ZNF414: variants seen among roughly 807,000 people sequenced by gnomAD.
ZNF414 encodes the protein zinc finger protein 414.
ZNF414 carries 32 observed loss-of-function variants against 38.3 expected under a neutral mutation model. That is an observed-to-expected ratio of 0.83 (90% CI 0.63 to 1.12). The LOEUF is 1.12. Ranked by LOEUF, ZNF414 falls within the 50% of genes most tolerant of loss-of-function variation. The pLI is 0.00. For synonymous variants in ZNF414, 256 were observed against 248.0 expected (o/e 1.03, Z -0.30); for missense variants, 589 against 557.4 (o/e 1.06, Z -0.57).
At position 8,514,120 on chromosome 19, in the gene ZNF414, G is replaced by C; in HGVS notation, c.-74C>G. The C allele has an allele frequency of 7.1e-7, 1 of 1,401,616 alleles. No individual in the cohort carries two copies. Among genetic ancestry groups the C allele is most frequent in the African/African-American group, 1.5e-5 (1 of 66,538 alleles). The allele number at this position is 1,401,616 out of a possible 1,614,324, so 86.8% of individuals were successfully genotyped here. On this transcript the variant is annotated 5_prime_UTR_variant, in exon 1 of 8. Transcript: ENST00000393927. ...TTAGGCGGCGGCCACCCTCTGGGCA[G>C]TGCGAGTTCGCGCTCACGTCAGCGC...
intron 6 of ZNF414, 23 bp from the exon 7 acceptor site, chr19:8,511,047 C>T: frequency 1.6e-6 from 2 of 1,279,910 alleles, no homozygotes; most frequent in Non-Finnish European, 2.0e-6. Context: ...GGGACCCCGT[C>T]AGTCCCGGGC....
chr19:8,512,612 G>C lies in ZNF414; in HGVS notation c.416C>G (p.Ser139Cys). The change falls in exon 3 of 8, where the codon TCC becomes TGC. Residue 139 changes from serine to cysteine, a missense_variant. By Grantham distance (112) the Ser-to-Cys change is moderately radical (BLOSUM62 -1). Transcript: ENST00000393927. ...ACCAGTCCTGGCCCTACCTTCCAGG[G>C]ACTGTGTGGGCGGGCAGTGGGTTCG... Reference protein sequence around the residue: ...HLRTHCPPTQSLEGKLFRCSA... With the variant: ...HLRTHCPPTQCLEGKLFRCSA... 2 of 1,592,024 alleles carry C rather than the reference G, an allele frequency of 1.3e-6. No individual in the cohort carries two copies. The highest frequency in any genetic ancestry group is 1.7e-6 in the Non-Finnish European group (2 of 1,168,320).
intron 6 of ZNF414, 24 bp downstream of exon 6, chr19:8,511,462 T>A: frequency 6.2e-7 from 1 of 1,608,940 alleles, no homozygotes; most frequent in Admixed American, 1.7e-5. Flanking sequence ...CCTCCACCCC[T>A]CCCTGGTGGT....
rs1971894567 is a variant in ZNF414, at chr19:8,510,285, CTCA to C, written c.*403_*405del. On this transcript the variant is annotated 3_prime_UTR_variant, in exon 8 of 8. Coordinates refer to ENST00000393927, the MANE Select transcript of ZNF414 (RefSeq NM_001146175.2). Reference sequence around the variant, plus strand: ...GGCCTGGGAGACAGAGCAAGACTGTCTCAAAAAAGAAAAAAAAAAAAAGAAAAA... The same window carrying C: ...GGCCTGGGAGACAGAGCAAGACTGTCAAAAAGAAAAAAAAAAAAAGAAAAA... 7.5e-6 allele frequency: 1 copy of C among 133,438 alleles called. No homozygotes were observed. Among genetic ancestry groups the C allele is most frequent in the Non-Finnish European group, 1.6e-5 (1 of 64,226 alleles). 8.3% of individuals were successfully genotyped at this position (133,438 alleles called of 1,614,324 possible). A position where few individuals can be genotyped will look rare whatever the true frequency, so the allele number is the denominator to read the frequency against.
In ZNF414 at chr19:8,510,307, A is replaced by G. The variant is rs1347205041; in HGVS notation, c.*384T>C. ...TGTCTCAAAAAAGAAAAAAAAAAAA[A>G]GAAAAAAAAAAAAAAAGAAAACTGG... On this transcript the variant is annotated 3_prime_UTR_variant, in exon 8 of 8. Transcript: ENST00000393927. 86 of 139,188 alleles carry G rather than the reference A, an allele frequency of 6.2e-4. 2 individuals carry two copies. The South Asian group carries it at 0.018, about 30-fold the overall frequency. 8.6% of individuals were successfully genotyped at this position (139,188 alleles called of 1,614,324 possible).
At chr19:8,511,365 C>T in intron 6 of ZNF414, 121 bp downstream of exon 6, 1 of 1,487,320 alleles carries the variant, frequency 6.7e-7, no homozygotes, top group South Asian at 1.3e-5. Flanking sequence ...TATTTCGGGA[C>T]GGTGGCATTT....
chr19:8,512,336 C>A, intron 4 of ZNF414, 51 bp downstream of exon 4: 1 of 1,598,538 alleles, frequency 6.3e-7, no homozygotes. Context: ...CTGGAGCCCA[C>A]ACATAGGGTG....
chr19:8,512,779 C>G, intron 2 of ZNF414, 68 bp from the exon 3 acceptor site: 1 of 1,389,320 alleles, frequency 7.2e-7, no homozygotes, highest in Non-Finnish European at 9.6e-7. Flanking sequence ...CCCCAGGGTT[C>G]TGCCCCAGAG....
intron 4 of ZNF414, 141 bp downstream of exon 4, chr19:8,512,246 A>C: frequency 6.9e-7 from 1 of 1,446,826 alleles, no homozygotes; most frequent in Admixed American, 2.4e-5. Flanking sequence ...CCATCCAGGG[A>C]GTTGAGGGCG....
chr19:8,514,147 A>G lies in ZNF414; in HGVS notation c.-101T>C, dbSNP rs1277567701. 3 of 1,333,958 alleles carry G rather than the reference A, an allele frequency of 2.2e-6. No individual in the cohort carries two copies. Among genetic ancestry groups the G allele is most frequent in the Non-Finnish European group, 2.9e-6 (3 of 1,033,818 alleles). The allele number at this position is 1,333,958 out of a possible 1,614,324, so 82.6% of individuals were successfully genotyped here. On this transcript the variant is annotated 5_prime_UTR_variant, in exon 1 of 8. It removes an upstream start codon present in the reference 5' UTR. Transcript: ENST00000393927. ...GCGAGTTCGCGCTCACGTCAGCGCC[A>G]TTTTCCACCTCTCAGCTCTCGCGAG...
At chr19:8,512,206 G>C in intron 4 of ZNF414, 181 bp downstream of exon 4, 11 of 1,433,560 alleles carry the variant, frequency 7.7e-6, no homozygotes, top group Non-Finnish European at 1.0e-5. Context: ...AAGCCTGGCT[G>C]GGTGGGGCCA....
intron 1 of ZNF414, 23 bp downstream of exon 1, chr19:8,514,021 C>T (rs1971955901): frequency 1.4e-6 from 2 of 1,453,438 alleles, no homozygotes; most frequent in African/African-American, 1.5e-5. Context: ...CCGCCGCGCC[C>T]GCGACCCCGG....
Position 8,510,530 on chromosome 19 carries a change from G to C in ZNF414, c.*161C>G, listed in dbSNP as rs971959002. On this transcript the variant is annotated 3_prime_UTR_variant, in exon 8 of 8. Coordinates refer to ENST00000393927, the MANE Select transcript of ZNF414 (RefSeq NM_001146175.2). ...AGATGTGATCAATCCATGACTGCTG[G>C]GCTCGAGCCCACTATGCTTTGGATG... The C allele has an allele frequency of 1.3e-6, 1 of 792,426 alleles. No homozygotes were observed. The highest frequency in any genetic ancestry group is 1.9e-6 in the Non-Finnish European group (1 of 528,544). The allele number at this position is 792,426 out of a possible 1,614,324, so 49.1% of individuals were successfully genotyped here.
intron 6 of ZNF414, 161 bp downstream of exon 6, chr19:8,511,325 G>A (rs1971909737): frequency 6.9e-7 from 1 of 1,445,562 alleles, no homozygotes; most frequent in Non-Finnish European, 9.1e-7. Flanking sequence ...GAAGGCGCAG[G>A]TGCCAGTCAT....
intron 1 of ZNF414, among the ~76,000 whole-genome samples, chr19:8,513,600 G>C (rs559773684): frequency 2.0e-4 from 31 of 152,252 alleles, no homozygotes; most frequent in Admixed American, 1.1e-3. Context: ...CCCGGATTGA[G>C]CTCCTTATGC....
rs1374911837 is a variant in ZNF414 at position 8,510,729 on chromosome 19, G to A, written c.1135C>T (p.Leu379=). 3.9e-6 allele frequency: 6 copies of A among 1,549,720 alleles called. No individual in the cohort carries two copies. Among genetic ancestry groups the A allele is most frequent in the Non-Finnish European group, 5.2e-6 (6 of 1,145,978 alleles). Residue 379 remains leucine, a synonymous_variant, in exon 8 of 8, where the codon CTG becomes TTG. Coordinates refer to ENST00000393927, the MANE Select transcript of ZNF414 (RefSeq NM_001146175.2). The part of the protein sequence containing the change: ...APLAPKVSPL[L]SEGELPVFSQ... ...AACACTGGAAGCTCCCCCTCTGACA[G>A]CAGCGGCGACACCTTGGGTGCAAGC...
chr19:8,510,891 C>A lies in ZNF414; in HGVS notation c.1059G>T (p.Ala353=), dbSNP rs770195759. 8.7e-7 allele frequency: 1 copy of A among 1,155,192 alleles called. No individual in the cohort carries two copies. The highest frequency in any genetic ancestry group is 1.1e-6 in the Non-Finnish European group (1 of 936,000). The allele number at this position is 1,155,192 out of a possible 1,614,324, so 71.6% of individuals were successfully genotyped here. A position where few individuals can be genotyped will look rare whatever the true frequency, so the allele number is the denominator to read the frequency against. ...HLEDHRPGAP[A]APAAGPPRPD... The stretch of plus-strand genomic sequence containing the variant: ...GGCGCGGCGGCCCGGCCGCGGGGGC[C>A]GCGGGGGCGCCGGGGCGGTGGTCCT... Residue 353 remains alanine (A), a synonymous_variant, in exon 7 of 8, where the codon GCG becomes GCT. Transcript: ENST00000393927.
chr19:8,512,871 C>T (rs1464383123), intron 2 of ZNF414, 158 bp downstream of exon 2: 4 of 1,202,226 alleles, frequency 3.3e-6, no homozygotes, highest in Non-Finnish European at 4.5e-6. Context: ...CTGGACTGGC[C>T]AGGCTCACCA....
chr19:8,510,891 C>T lies in ZNF414; in HGVS notation c.1059G>A (p.Ala353=). ...HLEDHRPGAP[A]APAAGPPRPD... Reference sequence around the variant, plus strand: ...GGCGCGGCGGCCCGGCCGCGGGGGCCGCGGGGGCGCCGGGGCGGTGGTCCT... The same window carrying T: ...GGCGCGGCGGCCCGGCCGCGGGGGCTGCGGGGGCGCCGGGGCGGTGGTCCT... The change falls in exon 7 of 8, where the codon GCG becomes GCA. Residue 353 remains alanine, a synonymous_variant. Transcript: ENST00000393927. 8.7e-7 allele frequency: 1 copy of T among 1,155,196 alleles called. No homozygotes were observed. Among genetic ancestry groups the T allele is most frequent in the Non-Finnish European group, 1.1e-6 (1 of 936,004 alleles). The allele number at this position is 1,155,196 out of a possible 1,614,324, so 71.6% of individuals were successfully genotyped here.
Sources: allele counts gnomAD v4.1 joint callset (sites outside exome capture counted in the v4.1 genomes callset), GRCh38; gene constraint gnomAD v4.1.1; transcripts MANE v1.5; gene names NCBI Gene and HGNC (gene_info 2026-07-23, HGNC 2026-07-21).